PDZRN3: variants seen among roughly 807,000 people sequenced by gnomAD.
The protein encoded by PDZRN3 is PDZ domain containing ring finger 3, also known as E3 ubiquitin-protein ligase PDZRN3.
Under a neutral mutation model 85.7 loss-of-function variants are expected in PDZRN3, and 38 were observed. The ratio of observed to expected loss-of-function variants is 0.44; its 90% confidence interval spans 0.34 to 0.58. The LOEUF (loss-of-function observed/expected upper bound fraction) is 0.58. Among genes scored for constraint, PDZRN3 ranks in the 20% least tolerant of loss-of-function variants. PDZRN3 has a pLI of 0.01. For synonymous variants in PDZRN3, 759 were observed against 638.0 expected, an observed-to-expected ratio of 1.19 and a Z score of -2.86; for missense variants, 1,629 against 1,506.4, an observed-to-expected ratio of 1.08 and a Z score of -1.35.
chr3:73,399,230 A>G (rs1701701230), intron 5 of PDZRN3, among the ~76,000 whole-genome samples: 2 of 152,234 alleles, frequency 1.3e-5, no homozygotes, highest in African/African-American at 2.4e-5. Flanking sequence ...AACACTTTAC[A>G]GCTTTTTAAA....
At chr3:73,587,614 T>C (rs1409777323) in intron 3 of PDZRN3, among the ~76,000 whole-genome samples, 2 of 152,248 alleles carry the variant, frequency 1.3e-5, no homozygotes, top group South Asian at 2.1e-4. Context: ...TCTGAAGTTT[T>C]AGCAGTGAAA....
chr3:73,600,304 AACACACAC>A (rs35396413), intron 3 of PDZRN3, among the ~76,000 whole-genome samples: 1 of 124,398 alleles, frequency 8.0e-6, no homozygotes, highest in Non-Finnish European at 1.6e-5. Flanking sequence ...TTAGTAATGA[AACACACAC>A]ACACACACAC....
chr3:73,467,201 G>A (rs754428506), intron 3 of PDZRN3, among the ~76,000 whole-genome samples: 3 of 152,184 alleles, frequency 2.0e-5, no homozygotes, highest in African/African-American at 7.2e-5. Context: ...TGTACTCGCA[G>A]TAAAGCCACA....
intron 3 of PDZRN3, among the ~76,000 whole-genome samples, chr3:73,508,591 A>C (rs577668241): frequency 1.3e-5 from 2 of 152,166 alleles, no homozygotes; most frequent in South Asian, 4.1e-4. Context: ...ACAGTTTTCT[A>C]TCCTTAAGAA....
chr3:73,620,454 T>A (rs945996512), intron 1 of PDZRN3, among the ~76,000 whole-genome samples: 1 of 152,220 alleles, frequency 6.6e-6, no homozygotes, highest in East Asian at 1.9e-4. Context: ...AGCAGAACTC[T>A]TTAACTCACT....
At chr3:73,592,645 G>A (rs1269751247) in intron 3 of PDZRN3, among the ~76,000 whole-genome samples, 2 of 152,122 alleles carry the variant, frequency 1.3e-5, no homozygotes, top group East Asian at 1.9e-4. Context: ...TGTGGCACTT[G>A]GCATGGCAGA....
intron 3 of PDZRN3, among the ~76,000 whole-genome samples, chr3:73,423,966 C>T (rs999998082): frequency 1.2e-4 from 18 of 151,992 alleles, no homozygotes; most frequent in African/African-American, 3.4e-4. Context: ...TTCCCCGTGA[C>T]GAGGAAGAGA....
At position 73,443,999 on chromosome 3, in the gene PDZRN3, G is replaced by A. The variant is rs540893958; in HGVS notation, c.919-39604C>T. The stretch of plus-strand genomic sequence containing the variant: ...CCACCATATGTAACATGGCTGGAAC[G>A]AACGCGCAATTGGTACTGAATTTCA... On this transcript the variant is annotated intron_variant, in intron 3 of 9. Transcript: ENST00000263666. Among the ~76,000 whole-genome samples, 4 of 152,122 alleles carry A rather than the reference G, an allele frequency of 2.6e-5. No homozygotes were observed. The East Asian group carries it at 5.8e-4, about 22-fold the overall frequency.
chr3:73,388,599 C>T (rs537767689), intron 7 of PDZRN3, among the ~76,000 whole-genome samples: 1 of 152,172 alleles, frequency 6.6e-6, no homozygotes, highest in Admixed American at 6.5e-5. Context: ...AACCCTCTTG[C>T]AGGATTTTTG....
chr3:73,621,668 C>G (rs1353036869), intron 1 of PDZRN3: 1 of 152,198 alleles, frequency 6.6e-6, no homozygotes, highest in Non-Finnish European at 1.5e-5. Context: ...CAGGCTGGGT[C>G]TGAGGCCAGG....
intron 3 of PDZRN3, among the ~76,000 whole-genome samples, chr3:73,516,569 C>A (rs1473961427): frequency 2.0e-5 from 3 of 152,194 alleles, no homozygotes. Flanking sequence ...CCTTCATCTC[C>A]TCTTGCTAGT....
intron 1 of PDZRN3, among the ~76,000 whole-genome samples, chr3:73,620,640 T>C (rs1377320443): frequency 6.8e-6 from 1 of 147,474 alleles, no homozygotes; most frequent in African/African-American, 2.5e-5. Flanking sequence ...GCAGTGGCAC[T>C]ATCTCCGCTT....
intron 3 of PDZRN3, among the ~76,000 whole-genome samples, chr3:73,510,506 G>A (rs1374361674): frequency 6.6e-6 from 1 of 152,210 alleles, no homozygotes; most frequent in Non-Finnish European, 1.5e-5. Context: ...CAGTGAAGAG[G>A]CCTGAGTCAG....
At chr3:73,614,990 T>C (rs1261283016) in intron 1 of PDZRN3, among the ~76,000 whole-genome samples, 1 of 151,928 alleles carries the variant, frequency 6.6e-6, no homozygotes, top group Non-Finnish European at 1.5e-5. Context: ...TAAGTTGAAA[T>C]TGGATGAGAC....
intron 3 of PDZRN3, among the ~76,000 whole-genome samples, chr3:73,500,768 C>A (rs532826524): frequency 6.6e-6 from 1 of 152,306 alleles, no homozygotes; most frequent in South Asian, 2.1e-4. Context: ...CTACCTCTGT[C>A]CACCACACCA....
At chr3:73,614,461 G>A (rs1475968418) in intron 1 of PDZRN3, among the ~76,000 whole-genome samples, 1 of 152,164 alleles carries the variant, frequency 6.6e-6, no homozygotes, top group Admixed American at 6.5e-5. Flanking sequence ...TTCTGCCTAA[G>A]GACAGGTGTT....
At chr3:73,540,107 A>G (rs1047705195) in intron 3 of PDZRN3, among the ~76,000 whole-genome samples, 378 of 151,368 alleles carry the variant, frequency 2.5e-3, no homozygotes, top group Non-Finnish European at 4.3e-3. Context: ...AAAAAAAAAA[A>G]AAAACAGTTC....
intron 3 of PDZRN3, among the ~76,000 whole-genome samples, chr3:73,468,137 C>T (rs182772356): frequency 6.6e-6 from 1 of 151,840 alleles, no homozygotes; most frequent in Non-Finnish European, 1.5e-5. Context: ...AAAAAAAAAG[C>T]TGAAGAGGGA....
At chr3:73,511,694 A>G (rs534190737) in intron 3 of PDZRN3, among the ~76,000 whole-genome samples, 1 of 152,338 alleles carries the variant, frequency 6.6e-6, no homozygotes, top group East Asian at 1.9e-4. Flanking sequence ...TGTTGTAAAA[A>G]GCAGTTCTGC....
Sources: gnomAD v4.1 joint callset for allele counts (sites outside exome capture counted in the v4.1 genomes callset) on GRCh38, gnomAD v4.1.1 for gene constraint, MANE v1.5 for transcripts, NCBI Gene and HGNC (gene_info 2026-07-23, HGNC 2026-07-21) for gene names.